The following SHROOM3 variants were observed in gnomAD, a reference collection of about 807,000 sequenced individuals.
The protein encoded by SHROOM3 is protein Shroom3.
Under a neutral mutation model 138.6 loss-of-function variants are expected in SHROOM3, and 47 were observed. That is an observed-to-expected ratio of 0.34 (90% CI 0.27 to 0.43). The LOEUF (loss-of-function observed/expected upper bound fraction) is 0.43. Ranked by LOEUF, SHROOM3 falls within the 20% of genes least tolerant of loss-of-function variation. The pLI, the probability that SHROOM3 is intolerant of heterozygous loss-of-function variation, is 1.00. For synonymous variants in SHROOM3, 1,062 were observed against 1,063.3 expected, an observed-to-expected ratio of 1.00 and a Z score of 0.02; for missense variants, 2,491 against 2,596.5, an observed-to-expected ratio of 0.96 and a Z score of 0.88.
intron 3 of SHROOM3, among the ~76,000 whole-genome samples, chr4:76,722,661 T>TAA (rs200285699): frequency 1.3e-5 from 2 of 148,344 alleles, no homozygotes; most frequent in Admixed American, 6.7e-5. Flanking sequence ...AAATTAAAGT[T>TAA]AAAAAAAAAA....
chr4:76,740,342 G>A lies in SHROOM3; in HGVS notation c.2169G>A (p.Pro723=), dbSNP rs751785782. ...GSHLDRQVSY[P]RPEGRTGASA... is the part of the protein sequence containing the mutation. The stretch of plus-strand genomic sequence containing the variant: ...ATCTGGACCGGCAGGTTTCCTACCC[G>A]CGGCCCGAGGGGAGGACCGGTGCCT... The change falls in exon 5 of 11, where the codon CCG becomes CCA. Residue 723 remains proline, a synonymous_variant. Transcript: ENST00000296043. The surrounding 1 kb of genome is among the most constrained non-coding windows in gnomAD (Gnocchi z 4.0). 4 of 1,613,056 alleles carry A rather than the reference G, an allele frequency of 2.5e-6. No individual in the cohort carries two copies. Among genetic ancestry groups the A allele is most frequent in the Middle Eastern group, 1.6e-4 (1 of 6,062 alleles).
intron 2 of SHROOM3, among the ~76,000 whole-genome samples, chr4:76,643,599 C>T (rs957875889): frequency 1.3e-5 from 2 of 152,112 alleles, no homozygotes; most frequent in African/African-American, 4.8e-5. Context: ...TTCCTATCAT[C>T]GTTAATTGCC....
In SHROOM3 at chr4:76,469,709, G is replaced by A. The variant is rs573874320; in HGVS notation, c.168+33489G>A. 2.6e-5 allele frequency among the ~76,000 whole-genome samples: 4 copies of A among 152,310 alleles called. No individual in the cohort carries two copies. In the East Asian group the frequency reaches 7.7e-4, roughly 29 times the overall value. On this transcript the variant is annotated intron_variant, in intron 1 of 10. Transcript: ENST00000296043. ...TGAGCTCAGGCAGTCGACCTGCCTT[G>A]GCCTCCCAAAGTGCTGGGATTACAG...
intron 8 of SHROOM3, 145 bp from the exon 9 acceptor site, chr4:76,759,400 T>C (rs1721923025): frequency 9.1e-7 from 1 of 1,094,386 alleles, no homozygotes; most frequent in Admixed American, 2.0e-5. Flanking sequence ...AATCACTCAT[T>C]AGTTAACAGT....
At chr4:76,615,317 TTCGACTGACA>T (rs1734849640) in intron 2 of SHROOM3, among the ~76,000 whole-genome samples, 1 of 152,204 alleles carries the variant, frequency 6.6e-6, no homozygotes, top group African/African-American at 2.4e-5. Context: ...TACCTGTGAC[TTCGACTGACA>T]TATCCTTTCC....
chr4:76,538,871 C>A (rs2110019523), intron 1 of SHROOM3, among the ~76,000 whole-genome samples: 1 of 152,286 alleles, frequency 6.6e-6, no homozygotes, highest in Non-Finnish European at 1.5e-5. Flanking sequence ...GGACCTATTA[C>A]CCACTAGTAT....
intron 1 of SHROOM3, among the ~76,000 whole-genome samples, chr4:76,463,566 G>A (rs1481410747): frequency 5.9e-5 from 9 of 152,234 alleles, no homozygotes; most frequent in Non-Finnish European, 1.2e-4. Context: ...AATGTTAATA[G>A]CCAAGACAAT....
chr4:76,469,549 C>G (rs1168840634), intron 1 of SHROOM3, among the ~76,000 whole-genome samples: 1 of 152,096 alleles, frequency 6.6e-6, no homozygotes. Flanking sequence ...CTCTGCCTCC[C>G]AGGTTCAAGC....
intron 2 of SHROOM3, among the ~76,000 whole-genome samples, chr4:76,644,681 A>AT (rs1383678184): frequency 3.9e-5 from 6 of 152,132 alleles, no homozygotes; most frequent in African/African-American, 1.4e-4. Context: ...AATCAGGGTA[A>AT]TTAGCAAGGA....
chr4:76,457,383 T>C (rs978565153), intron 1 of SHROOM3, among the ~76,000 whole-genome samples: 1 of 152,124 alleles, frequency 6.6e-6, no homozygotes, highest in Admixed American at 6.6e-5. Context: ...TCATTCCCCC[T>C]TTGCTTTCCA....
intron 1 of SHROOM3, among the ~76,000 whole-genome samples, chr4:76,515,213 TA>T (rs67216189): frequency 0.03 from 3,434 of 112,982 alleles, 61 homozygotes; most frequent in African/African-American, 0.065. Flanking sequence ...AAACTCTGTC[TA>T]AAAAAAAAAA....
rs180862318 is a variant in SHROOM3 at position 76,551,901 on chromosome 4, A to G, written c.169-3708A>G. Among the ~76,000 whole-genome samples, 558 of 151,556 alleles carry G rather than the reference A, an allele frequency of 3.7e-3. 2 individuals carry two copies. The highest frequency in any genetic ancestry group is 0.016 in the South Asian group (76 of 4,774). On this transcript the variant is annotated intron_variant, in intron 1 of 10. Coordinates refer to ENST00000296043, the MANE Select transcript of SHROOM3 (RefSeq NM_020859.4). ...TTTTGAGACAGAGTCTCGCTCTGTC[A>G]CCCAGGCTGGAGTGCAGTGGTGCGA...
intron 2 of SHROOM3, among the ~76,000 whole-genome samples, chr4:76,576,847 T>C (rs1733950482): frequency 6.6e-6 from 1 of 152,030 alleles, no homozygotes; most frequent in South Asian, 2.1e-4. Flanking sequence ...AATTTTGTTA[T>C]AAATATTTTT....
intron 10 of SHROOM3, among the ~76,000 whole-genome samples, chr4:76,771,468 G>A (rs756459307): frequency 4.6e-5 from 7 of 152,056 alleles, no homozygotes; most frequent in Non-Finnish European, 7.4e-5. Flanking sequence ...CCTCCCAACT[G>A]TCTTCCTTCC....
At position 76,743,440 on chromosome 4, in the gene SHROOM3, G is replaced by C. The variant is rs142648211; in HGVS notation, c.3753+1514G>C. Among the ~76,000 whole-genome samples the C allele has an allele frequency of 2.2e-3, 336 of 152,256 alleles. 1 individual carries two copies. The highest frequency in any genetic ancestry group is 0.01 in the Middle Eastern group (3 of 294). On this transcript the variant is annotated intron_variant, in intron 5 of 10. Transcript: ENST00000296043. Reference sequence around the variant, plus strand: ...GGAAATCAGTTCCTCTGTATGTGACGATTGATCCATCTCTGGCCTGAAATA... The same window carrying C: ...GGAAATCAGTTCCTCTGTATGTGACCATTGATCCATCTCTGGCCTGAAATA...
chr4:76,687,254 C>A (rs1402738313), intron 2 of SHROOM3, among the ~76,000 whole-genome samples: 1 of 152,186 alleles, frequency 6.6e-6, no homozygotes, highest in Non-Finnish European at 1.5e-5. Context: ...GTGTAACTTT[C>A]TCACAAAATA....
intron 1 of SHROOM3, among the ~76,000 whole-genome samples, chr4:76,535,464 T>A (rs942795132): frequency 1.3e-5 from 2 of 152,222 alleles, no homozygotes; most frequent in Non-Finnish European, 2.9e-5. Context: ...AACTTTAGAC[T>A]GATTAGCACC....
chr4:76,606,854 A>C (rs922402301), intron 2 of SHROOM3, among the ~76,000 whole-genome samples: 12 of 152,194 alleles, frequency 7.9e-5, no homozygotes, highest in Non-Finnish European at 1.3e-4. Flanking sequence ...GCAGGAGTCC[A>C]AAAAATGCTG....
At chr4:76,763,814 C>T (rs1235590405) in intron 9 of SHROOM3, among the ~76,000 whole-genome samples, 2 of 152,152 alleles carry the variant, frequency 1.3e-5, no homozygotes, top group African/African-American at 4.8e-5. Context: ...ATTTACATAT[C>T]TGATTTGGAA....
Sources: allele counts gnomAD v4.1 joint callset (sites outside exome capture counted in the v4.1 genomes callset), GRCh38; gene constraint gnomAD v4.1.1; non-coding constraint Gnocchi (gnomAD v3.1); transcripts MANE v1.5; gene names NCBI Gene and HGNC (gene_info 2026-07-23, HGNC 2026-07-21).